Variants in RHEB observed in about 807,000 individuals in gnomAD.
RHEB encodes GTP-binding protein Rheb.
In RHEB, 2 loss-of-function variants were observed where a neutral mutation model predicts 28.8. That is an observed-to-expected ratio of 0.07 (90% CI 0.03 to 0.22). RHEB has a LOEUF of 0.22. RHEB is among the 10% of genes least tolerant of loss of function. The pLI is 1.00. For missense variants in RHEB, 76 were observed against 219.9 expected, an observed-to-expected ratio of 0.35 and a Z score of 4.14; for synonymous variants, 69 against 77.3, an observed-to-expected ratio of 0.89 and a Z score of 0.56.
chr7:151,513,445 T>C (rs1803025182), intron 1 of RHEB, among the ~76,000 whole-genome samples: 1 of 152,250 alleles, frequency 6.6e-6, no homozygotes, highest in Non-Finnish European at 1.5e-5. Flanking sequence ...GCGAACAGTG[T>C]TCTAAAACTT....
chr7:151,494,942 G>A (rs1802648366), intron 1 of RHEB, among the ~76,000 whole-genome samples: 2 of 152,136 alleles, frequency 1.3e-5, no homozygotes, highest in Non-Finnish European at 2.9e-5. Context: ...AAACCCCACC[G>A]CTCATTTTCA....
At chr7:151,476,259 G>C (rs62479812) in intron 4 of RHEB, among the ~76,000 whole-genome samples, 1 of 152,176 alleles carries the variant, frequency 6.6e-6, no homozygotes, top group East Asian at 1.9e-4. Flanking sequence ...TGGAGTATGT[G>C]GGGGTAAGGA....
intron 3 of RHEB, among the ~76,000 whole-genome samples, chr7:151,482,464 A>G (rs1417324246): frequency 6.6e-6 from 1 of 152,206 alleles, no homozygotes; most frequent in Middle Eastern, 3.2e-3. Flanking sequence ...AATCCAGGCA[A>G]GTGTAACCCC....
intron 3 of RHEB, among the ~76,000 whole-genome samples, chr7:151,480,251 C>CTG (rs778012964): frequency 6.6e-5 from 10 of 152,172 alleles, no homozygotes; most frequent in Non-Finnish European, 1.5e-4. Context: ...AGACCAGCAA[C>CTG]AGTCTAACTG....
chr7:151,496,115 G>C (rs1802667798), intron 1 of RHEB, among the ~76,000 whole-genome samples: 1 of 152,180 alleles, frequency 6.6e-6, no homozygotes, highest in African/African-American at 2.4e-5. Context: ...CCATTCCAGG[G>C]CTGCTTTCAC....
intron 1 of RHEB, chr7:151,503,238 CG>C: frequency 6.4e-6 from 5 of 782,916 alleles, no homozygotes; most frequent in Middle Eastern, 3.3e-4. Flanking sequence ...ACAAAGAGAC[CG>C]GACAGGAACA....
At chr7:151,508,390 TG>T (rs1194702751) in intron 1 of RHEB, among the ~76,000 whole-genome samples, 1 of 152,208 alleles carries the variant, frequency 6.6e-6, no homozygotes, top group Non-Finnish European at 1.5e-5. Flanking sequence ...TCACAGTATC[TG>T]GGCTGTCTAA....
intron 1 of RHEB, among the ~76,000 whole-genome samples, chr7:151,505,490 G>A (rs1802855499): frequency 6.6e-6 from 1 of 152,180 alleles, no homozygotes; most frequent in Admixed American, 6.5e-5. Flanking sequence ...TAGAAAGGCC[G>A]CCAATACCAA....
Position 151,471,804 on chromosome 7 carries a change from G to A in RHEB, c.276-199C>T, listed in dbSNP as rs539725072. The A allele has an allele frequency of 6.4e-5, 32 of 498,564 alleles. No homozygotes were observed. The East Asian group carries it at 1.0e-3, about 16-fold the overall frequency. 30.9% of individuals were successfully genotyped at this position (498,564 alleles called of 1,614,324 possible). A position where few individuals can be genotyped will look rare whatever the true frequency, so the allele number is the denominator to read the frequency against. On this transcript the variant is annotated intron_variant, in intron 4 of 7. Coordinates refer to ENST00000262187, the MANE Select transcript of RHEB (RefSeq NM_005614.4). ...CATCTGACACTCAGCAACCCTGACT[G>A]AGGATATTCAAAGTGAAACAGGTAA...
chr7:151,519,283 C>A lies in RHEB; in HGVS notation c.52+177G>T, dbSNP rs1453722316. 1.2e-5 allele frequency: 4 copies of A among 325,726 alleles called. No individual in the cohort carries two copies. The East Asian group carries it at 2.8e-4, about 22-fold the overall frequency. 20.2% of individuals were successfully genotyped at this position (325,726 alleles called of 1,614,324 possible). On this transcript the variant is annotated intron_variant, in intron 1 of 7. Coordinates refer to ENST00000262187, the MANE Select transcript of RHEB (RefSeq NM_005614.4). ...AGCTACCGCGGCTCCTCCACCGGCG[C>A]GGACGCCGCCCCGACCGCCACCACC... is the stretch of plus-strand genomic sequence containing the variant.
intron 4 of RHEB, among the ~76,000 whole-genome samples, chr7:151,475,178 A>T (rs1802251439): frequency 6.6e-6 from 1 of 152,190 alleles, no homozygotes; most frequent in Non-Finnish European, 1.5e-5. Context: ...TTTTTAATCC[A>T]GCTCAATGTA....
chr7:151,477,221 T>C lies in RHEB; in HGVS notation c.275+112A>G, dbSNP rs538538846. 6.8e-6 allele frequency: 5 copies of C among 737,726 alleles called. No homozygotes were observed. In the East Asian group the frequency reaches 8.0e-5, roughly 12 times the overall value. 45.7% of individuals were successfully genotyped at this position (737,726 alleles called of 1,614,324 possible). The stretch of plus-strand genomic sequence containing the variant: ...TCCACGAGAAAATCACTAAAAAACA[T>C]GTAGCCTAATAATTCTAATTGTCAC... On this transcript the variant is annotated intron_variant, in intron 4 of 7. Transcript: ENST00000262187.
chr7:151,484,650 G>T, intron 3 of RHEB, 87 bp downstream of exon 3: 1 of 980,098 alleles, frequency 1.0e-6, no homozygotes, highest in Non-Finnish European at 1.6e-6. Context: ...GGTTTTCTTG[G>T]CATAGCTGGT....
chr7:151,517,620 C>G (rs34814574), intron 1 of RHEB, among the ~76,000 whole-genome samples: 66,911 of 148,456 alleles, frequency 0.45, 15,682 homozygotes, highest in South Asian at 0.6. Context: ...TCTCCGTCCT[C>G]AGGAGGACGC....
At chr7:151,471,664 T>C (rs949282292) in intron 4 of RHEB, 59 bp from the exon 5 acceptor site, 6 of 1,103,838 alleles carry the variant, frequency 5.4e-6, no homozygotes, top group Non-Finnish European at 6.7e-6. Context: ...TTTAAATGTA[T>C]GTTATGTTGC....
chr7:151,483,727 G>C (rs1250032973), intron 3 of RHEB, among the ~76,000 whole-genome samples: 3 of 152,074 alleles, frequency 2.0e-5, no homozygotes, highest in African/African-American at 7.2e-5. Context: ...ATGTTGCAAG[G>C]GCAGGAGTTA....
At chr7:151,491,948 CTAAAA>C (rs1802590167) in intron 1 of RHEB, among the ~76,000 whole-genome samples, 1 of 152,126 alleles carries the variant, frequency 6.6e-6, no homozygotes, top group African/African-American at 2.4e-5. Flanking sequence ...CTTCTGCTAC[CTAAAA>C]TGTCTACTGG....
intron 1 of RHEB, among the ~76,000 whole-genome samples, chr7:151,491,736 C>CAAAAA (rs11324430): frequency 7.1e-6 from 1 of 141,718 alleles, no homozygotes; most frequent in African/African-American, 2.6e-5. Context: ...GACCCTGTGT[C>CAAAAA]AAAAAAAAAA....
chr7:151,518,908 C>G (rs1167524747), intron 1 of RHEB: 1 of 152,208 alleles, frequency 6.6e-6, no homozygotes, highest in Non-Finnish European at 1.5e-5. Flanking sequence ...AGAAAACTTG[C>G]GTTCAGTGCC....
Sources: gnomAD v4.1 joint callset for allele counts (sites outside exome capture counted in the v4.1 genomes callset) on GRCh38, gnomAD v4.1.1 for gene constraint, MANE v1.5 for transcripts, NCBI Gene and HGNC (gene_info 2026-07-23, HGNC 2026-07-21) for gene names.